Variants in NRDE2 observed in about 807,000 individuals in gnomAD.
The protein encoded by NRDE2 is NRDE-2, necessary for RNA interference, domain containing.
A neutral mutation model predicts 124.2 loss-of-function variants in NRDE2; 76 were observed. The ratio of observed to expected loss-of-function variants is 0.61; its 90% CI spans 0.51 to 0.74. The LOEUF (loss-of-function observed/expected upper bound fraction) is 0.74, where lower values mean the gene tolerates loss of function less well. Ranked by LOEUF, NRDE2 falls within the 30% of genes least tolerant of loss-of-function variation. NRDE2 has a pLI of 0.00. For missense variants in NRDE2, 1,314 were observed against 1,417.3 expected (o/e 0.93, Z 1.17); for synonymous variants, 489 against 528.1 (o/e 0.93, Z 1.01).
intron 12 of NRDE2, among the ~76,000 whole-genome samples, chr14:90,283,785 C>T (rs1892021811): frequency 6.6e-6 from 1 of 150,940 alleles, no homozygotes; most frequent in Non-Finnish European, 1.5e-5. Flanking sequence ...TCTTGGCTCT[C>T]ACTGCAGCCT....
chr14:90,300,407 G>T (rs1035684440), intron 7 of NRDE2, among the ~76,000 whole-genome samples: 1 of 152,128 alleles, frequency 6.6e-6, no homozygotes, highest in Non-Finnish European at 1.5e-5. Flanking sequence ...CCACATGACG[G>T]AGGCCTTGGC....
At chr14:90,318,664 G>A (rs1412541521) in intron 1 of NRDE2, among the ~76,000 whole-genome samples, 1 of 152,098 alleles carries the variant, frequency 6.6e-6, no homozygotes, top group Non-Finnish European at 1.5e-5. Context: ...GCCGGGTGTG[G>A]TAGCACACGC....
chr14:90,269,930 G>A lies in NRDE2; in HGVS notation c.*8406C>T, dbSNP rs757818285. On this transcript the variant is annotated 3_prime_UTR_variant, in exon 14 of 14. Coordinates refer to ENST00000354366, the MANE Select transcript of NRDE2 (RefSeq NM_017970.4). ...TTTTGTAATGTTTTTAACACAATAG[G>A]TCTGCCCAGTTTCACTCAGGAATTG... 1 of 447,564 alleles carries A rather than the reference G, an allele frequency of 2.2e-6. No individual in the cohort carries two copies. The highest frequency in any genetic ancestry group is 3.9e-6 in the Non-Finnish European group (1 of 253,456). The allele number at this position is 447,564 out of a possible 1,614,324, so 27.7% of individuals were successfully genotyped here. A position where few individuals can be genotyped will look rare whatever the true frequency, so the allele number is the denominator to read the frequency against.
chr14:90,314,718 T>C (rs2139703892), intron 3 of NRDE2, among the ~76,000 whole-genome samples: 1 of 152,336 alleles, frequency 6.6e-6, no homozygotes, highest in African/African-American at 2.4e-5. Context: ...CATTCATTCA[T>C]GTAACAAAAA....
rs752962579 is a variant in NRDE2, at chr14:90,298,263, G to T, written c.1663C>A (p.Pro555Thr). ...QERGGWVVIN[P>T]DEDDDEPEED... ...TCTTCAATGAGAGGTGACTTACCTG[G>T]GTTGATGACCACCCAGCCACCTCGT... The change falls in exon 8 of 14, where the codon CCA (proline) becomes ACA (threonine). Residue 555 changes from proline (P) to threonine (T), a missense_variant. Physicochemically the swap from Pro to Thr is conservative, Grantham distance 38. Coordinates refer to ENST00000354366, the MANE Select transcript of NRDE2 (RefSeq NM_017970.4). The T allele has an allele frequency of 1.9e-6, 3 of 1,613,338 alleles. No individual in the cohort carries two copies. In the East Asian group the frequency reaches 6.7e-5, roughly 36 times the overall value.
chr14:90,280,203 C>T (rs1891916050), intron 12 of NRDE2: 1 of 151,888 alleles, frequency 6.6e-6, no homozygotes, highest in South Asian at 2.1e-4. Context: ...ACCTCAGTCT[C>T]CCAAGTAGCC....
At chr14:90,310,929 T>C (rs1884812058) in intron 4 of NRDE2, among the ~76,000 whole-genome samples, 1 of 152,194 alleles carries the variant, frequency 6.6e-6, no homozygotes, top group Non-Finnish European at 1.5e-5. Flanking sequence ...ATTGAAAATA[T>C]AATAGTCATT....
chr14:90,312,569 G>C, intron 3 of NRDE2, 26 bp from the exon 4 acceptor site: 8 of 1,612,584 alleles, frequency 5.0e-6, no homozygotes, highest in Non-Finnish European at 6.8e-6. Context: ...AGAAGAAGAA[G>C]GGAGAGGCAC....
At chr14:90,329,541 G>GA (rs1205641355) in intron 1 of NRDE2, among the ~76,000 whole-genome samples, 8 of 147,636 alleles carry the variant, frequency 5.4e-5, no homozygotes, top group Non-Finnish European at 7.5e-5. Context: ...CCCTACTTAA[G>GA]AAAAAAAAAA....
Position 90,272,367 on chromosome 14 carries a change from A to G in NRDE2, c.*5969T>C. 6.3e-7 allele frequency: 1 copy of G among 1,594,940 alleles called. No individual in the cohort carries two copies. Among genetic ancestry groups the G allele is most frequent in the Non-Finnish European group, 8.5e-7 (1 of 1,171,914 alleles). On this transcript the variant is annotated 3_prime_UTR_variant, in exon 14 of 14. Coordinates refer to ENST00000354366, the MANE Select transcript of NRDE2 (RefSeq NM_017970.4). This position sits in a 1 kb window ranked among gnomAD's most constrained non-coding sequence, Gnocchi z 4.5. The stretch of plus-strand genomic sequence containing the variant: ...AAAAAATCTAAAGAAAATGTTCTTT[A>G]TAAGAAACAGGAAGGCACCCCTGAG...
At chr14:90,329,145 A>G (rs1885568645) in intron 1 of NRDE2, among the ~76,000 whole-genome samples, 2 of 152,246 alleles carry the variant, frequency 1.3e-5, no homozygotes, top group South Asian at 4.1e-4. Flanking sequence ...ATACTATTTA[A>G]GAGTAAGACT....
At chr14:90,284,658 C>G (rs1283637070) in intron 12 of NRDE2, among the ~76,000 whole-genome samples, 1 of 152,112 alleles carries the variant, frequency 6.6e-6, no homozygotes, top group Non-Finnish European at 1.5e-5. Context: ...CATGAGCCAC[C>G]ACACCTGGCC....
chr14:90,287,605 A>G (rs1205534172), intron 11 of NRDE2, among the ~76,000 whole-genome samples: 1 of 152,196 alleles, frequency 6.6e-6, no homozygotes, highest in Admixed American at 6.5e-5. Context: ...TGAGCGACAG[A>G]GTAAGACCCT....
rs531705593 is a variant in NRDE2 at position 90,318,899 on chromosome 14, T to G, written c.65-786A>C. On this transcript the variant is annotated intron_variant, in intron 1 of 13. Coordinates refer to ENST00000354366, the MANE Select transcript of NRDE2 (RefSeq NM_017970.4). ...TTAAGATCTTTTAAAAAATATTCCA[T>G]GTTCTACCTTAGTACACTAACTTAA... Among the ~76,000 whole-genome samples the G allele has an allele frequency of 5.2e-4, 79 of 152,294 alleles. No homozygotes were observed. In the Middle Eastern group the frequency reaches 0.017, roughly 33 times the overall value.
At chr14:90,308,803 G>A (rs1348001505) in intron 4 of NRDE2, among the ~76,000 whole-genome samples, 1 of 152,188 alleles carries the variant, frequency 6.6e-6, no homozygotes, top group African/African-American at 2.4e-5. Flanking sequence ...TCACAAGCAT[G>A]CACAGATGAA....
At chr14:90,325,881 C>T (rs548045170) in intron 1 of NRDE2, among the ~76,000 whole-genome samples, 1 of 152,280 alleles carries the variant, frequency 6.6e-6, no homozygotes, top group Non-Finnish European at 1.5e-5. Context: ...CCCTCTCACT[C>T]ATTTTGGTAT....
intron 10 of NRDE2, 122 bp from the exon 11 acceptor site, chr14:90,289,267 T>C: frequency 1.3e-6 from 1 of 756,218 alleles, no homozygotes; most frequent in Non-Finnish European, 2.2e-6. Context: ...ATCACGGGTC[T>C]GGTAAACACT....
chr14:90,303,916 T>C lies in NRDE2; in HGVS notation c.1005+19A>G, dbSNP rs578014039. The C allele has an allele frequency of 7.0e-6, 11 of 1,575,848 alleles. No individual in the cohort carries two copies. The East Asian group carries it at 9.0e-5, about 13-fold the overall frequency. On this transcript the variant is annotated intron_variant, in intron 5 of 13. Coordinates refer to ENST00000354366, the MANE Select transcript of NRDE2 (RefSeq NM_017970.4). ...GGAATGTCCTTCTAAGGTAAGAGAATTGGGATGGCAACACATACCTGAAAA... is the reference window on the plus strand; with the variant it reads ...GGAATGTCCTTCTAAGGTAAGAGAACTGGGATGGCAACACATACCTGAAAA...
chr14:90,327,457 G>A (rs1478999144), intron 1 of NRDE2, among the ~76,000 whole-genome samples: 1 of 152,100 alleles, frequency 6.6e-6, no homozygotes, highest in African/African-American at 2.4e-5. Context: ...GCTGAGACAG[G>A]CGGACTGCTT....
Sources: gnomAD v4.1 joint callset for allele counts (sites outside exome capture counted in the v4.1 genomes callset) on GRCh38, gnomAD v4.1.1 for gene constraint, Gnocchi (gnomAD v3.1) non-coding constraint, MANE v1.5 for transcripts, NCBI Gene and HGNC (gene_info 2026-07-23, HGNC 2026-07-21) for gene names.